Variants in TNPO2 observed in about 807,000 individuals in gnomAD.
TNPO2 encodes the protein transportin 2.
TNPO2 carries 16 observed loss-of-function variants against 111.1 expected under a neutral mutation model. That is an observed-to-expected ratio of 0.14 (90% CI 0.10 to 0.22). The LOEUF is 0.22. TNPO2 is among the 10% of genes least tolerant of loss of function. The pLI, the probability that TNPO2 is intolerant of heterozygous loss-of-function variation, is 1.00. For synonymous variants in TNPO2, 481 were observed against 475.8 expected, an observed-to-expected ratio of 1.01 and a Z score of -0.14; for missense variants, 530 against 1,173.7, an observed-to-expected ratio of 0.45 and a Z score of 8.01.
At chr19:12,713,500 TAAATA>T (rs1289354482) in intron 10 of TNPO2, among the ~76,000 whole-genome samples, 1 of 145,074 alleles carries the variant, frequency 6.9e-6, no homozygotes, top group Non-Finnish European at 1.5e-5. Flanking sequence ...AATAAATAAA[TAAATA>T]AATAAATAAA....
Position 12,705,640 on chromosome 19 carries a change from T to TGGGCAGGATGGGTTTCGGGTGAG in TNPO2, c.1755+19_1755+41dup, listed in dbSNP as rs772648771. ...GCAGGTGGGGAGAACTCAGGCAGGG[T>TGGGCAGGATGGGTTTCGGGTGAG]GGGCAGGATGGGTTTCGGGTGAGGG... On this transcript the variant is annotated intron_variant, in intron 16 of 25. Transcript: ENST00000425528. This position sits in a 1 kb window ranked among gnomAD's most constrained non-coding sequence, Gnocchi z 7.2. 11 of 1,568,664 alleles carry TGGGCAGGATGGGTTTCGGGTGAG rather than the reference T, an allele frequency of 7.0e-6. No individual in the cohort carries two copies. The highest frequency in any genetic ancestry group is 3.5e-5 in the South Asian group (3 of 85,772).
In TNPO2 at chr19:12,719,509, T is replaced by C. The variant is rs532861329; in HGVS notation, c.100-173A>G. On this transcript the variant is annotated intron_variant, in intron 3 of 25. Transcript: ENST00000425528. The surrounding 1 kb of genome is among the most constrained non-coding windows in gnomAD (Gnocchi z 5.0). Reference sequence around the variant, plus strand: ...GCACCTCAGACACGTCAAATTCATATAAGGGGCCGGGCGCGGTGGCTCACG... The same window carrying C: ...GCACCTCAGACACGTCAAATTCATACAAGGGGCCGGGCGCGGTGGCTCACG... Among the ~76,000 whole-genome samples the C allele has an allele frequency of 6.6e-5, 10 of 152,148 alleles. No individual in the cohort carries two copies. The highest frequency in any genetic ancestry group is 1.9e-4 in the African/African-American group (8 of 41,508).
rs1179826064 is a variant in TNPO2, at chr19:12,701,118, G to A, written c.*146C>T. On this transcript the variant is annotated 3_prime_UTR_variant, in exon 26 of 26. Coordinates refer to ENST00000425528, the MANE Select transcript of TNPO2 (RefSeq NM_001382241.1). This position sits in a 1 kb window ranked among gnomAD's most constrained non-coding sequence, Gnocchi z 5.0. ...TGGACGGATGGACGGACGGACGGAC[G>A]GACGGGGAAGGCATCTGGATTTGAG... 7 of 480,284 alleles carry A rather than the reference G, an allele frequency of 1.5e-5. No individual in the cohort carries two copies. Among genetic ancestry groups the A allele is most frequent in the Non-Finnish European group, 2.6e-5 (7 of 269,994 alleles). The allele number at this position is 480,284 out of a possible 1,614,324, so 29.8% of individuals were successfully genotyped here. A position where few individuals can be genotyped will look rare whatever the true frequency, so the allele number is the denominator to read the frequency against.
Position 12,706,149 on chromosome 19 carries a change from C to A in TNPO2, c.1668+47G>T. 1 of 1,590,426 alleles carries A rather than the reference C, an allele frequency of 6.3e-7. No homozygotes were observed. Among genetic ancestry groups the A allele is most frequent in the South Asian group, 1.1e-5 (1 of 87,944 alleles). Reference sequence around the variant, plus strand: ...GGGGTTGCCACCAGGTCACTGGATGCCCAGGGGCACGGGGATCGGGAGGCG... The same window carrying A: ...GGGGTTGCCACCAGGTCACTGGATGACCAGGGGCACGGGGATCGGGAGGCG... On this transcript the variant is annotated intron_variant, in intron 15 of 25. Coordinates refer to ENST00000425528, the MANE Select transcript of TNPO2 (RefSeq NM_001382241.1). This position sits in a 1 kb window ranked among gnomAD's most constrained non-coding sequence, Gnocchi z 7.0.
intron 13 of TNPO2, among the ~76,000 whole-genome samples, chr19:12,708,450 AT>A (rs2025836339): frequency 6.6e-6 from 1 of 150,720 alleles, no homozygotes; most frequent in South Asian, 2.1e-4. Context: ...TTTTTTTAAA[AT>A]ATCACGAACT....
At position 12,701,952 on chromosome 19, in the gene TNPO2, C is replaced by A. The variant is rs1439081776; in HGVS notation, c.2412-101G>T. ...CAGTGAGTGGGCCTGGGACATGCAT[C>A]TGTGGGGGTGGGGCAGGGCAGGGAG... On this transcript the variant is annotated intron_variant, in intron 22 of 25. Coordinates refer to ENST00000425528, the MANE Select transcript of TNPO2 (RefSeq NM_001382241.1). This position sits in a 1 kb window ranked among gnomAD's most constrained non-coding sequence, Gnocchi z 5.0. The A allele has an allele frequency of 5.8e-6, 8 of 1,390,140 alleles. No homozygotes were observed. The highest frequency in any genetic ancestry group is 8.2e-6 in the Non-Finnish European group (8 of 979,102). 86.1% of individuals were successfully genotyped at this position (1,390,140 alleles called of 1,614,324 possible).
In TNPO2 at chr19:12,719,425, G is replaced by A; in HGVS notation, c.100-89C>T. ...TACCTGACACTATCTCTGACCACTGGGACCAGGCTGCCAGCTCCTGGGGGA... is the reference window on the plus strand; with the variant it reads ...TACCTGACACTATCTCTGACCACTGAGACCAGGCTGCCAGCTCCTGGGGGA... On this transcript the variant is annotated intron_variant, in intron 3 of 25. Transcript: ENST00000425528. This position sits in a 1 kb window ranked among gnomAD's most constrained non-coding sequence, Gnocchi z 5.0. 8.7e-7 allele frequency: 1 copy of A among 1,147,700 alleles called. No homozygotes were observed. The highest frequency in any genetic ancestry group is 1.3e-6 in the Non-Finnish European group (1 of 774,272). The allele number at this position is 1,147,700 out of a possible 1,614,324, so 71.1% of individuals were successfully genotyped here.
intron 12 of TNPO2, 185 bp downstream of exon 12, chr19:12,711,111 G>A (rs1224655824): frequency 1.4e-6 from 1 of 715,760 alleles, no homozygotes; most frequent in African/African-American, 1.8e-5. Context: ...AGCCAGGATG[G>A]TGTTGATCTC....
chr19:12,707,570 GC>G (rs1274638924), intron 13 of TNPO2, among the ~76,000 whole-genome samples: 2 of 128,252 alleles, frequency 1.6e-5, no homozygotes, highest in Non-Finnish European at 3.2e-5. Flanking sequence ...GCTCACTGCA[GC>G]CTCTGCCTCC....
At chr19:12,717,246 A>T (rs1241260381) in intron 5 of TNPO2, among the ~76,000 whole-genome samples, 1 of 148,930 alleles carries the variant, frequency 6.7e-6, no homozygotes, top group East Asian at 2.0e-4. Context: ...AACTAAGGTT[A>T]TCAGTAGGTT....
Position 12,702,132 on chromosome 19 carries a change from C to A in TNPO2, c.2351G>T (p.Arg784Leu). The A allele has an allele frequency of 6.2e-7, 1 of 1,613,502 alleles. No individual in the cohort carries two copies. Among genetic ancestry groups the A allele is most frequent in the Non-Finnish European group, 8.5e-7 (1 of 1,179,800 alleles). Residue 784 changes from arginine to leucine, a missense_variant, in exon 22 of 26, where the codon CGC (arginine) becomes CTC (leucine). Physicochemically the swap from Arg to Leu is moderately radical, Grantham distance 102. Around this residue, in one of 4 missense-constraint regions of TNPO2, gnomAD observed 103 missense variants for 156.7 expected, o/e 0.66. Coordinates refer to ENST00000425528, the MANE Select transcript of TNPO2 (RefSeq NM_001382241.1). The surrounding 1 kb of genome is among the most constrained non-coding windows in gnomAD (Gnocchi z 5.5). ...PSAIPAITIG[R>L]LGYVCPQEVA... ...CTCCTGGGGGCACACGTAGCCCAAGCGGCCGATGGTGATGGCTGGAATGGC... is the reference window on the plus strand; with the variant it reads ...CTCCTGGGGGCACACGTAGCCCAAGAGGCCGATGGTGATGGCTGGAATGGC...
chr19:12,702,017 G>A lies in TNPO2; in HGVS notation c.2411+55C>T, dbSNP rs935257731. ...GGGCTGGAAATGCACAGGCGAGGGA[G>A]GGGGTTGGGCCAGTCCCGCCCACCA... On this transcript the variant is annotated intron_variant, in intron 22 of 25. Coordinates refer to ENST00000425528, the MANE Select transcript of TNPO2 (RefSeq NM_001382241.1). This position sits in a 1 kb window ranked among gnomAD's most constrained non-coding sequence, Gnocchi z 5.5. 2 of 1,551,126 alleles carry A rather than the reference G, an allele frequency of 1.3e-6. No homozygotes were observed. The highest frequency in any genetic ancestry group is 8.9e-7 in the Non-Finnish European group (1 of 1,123,662).
At chr19:12,711,168 A>C (rs531520206) in intron 12 of TNPO2, 128 bp downstream of exon 12, 1 of 1,248,328 alleles carries the variant, frequency 8.0e-7, no homozygotes, top group East Asian at 2.3e-5. Flanking sequence ...TGCTGGGATT[A>C]CAGGCGTAAG....
chr19:12,707,834 T>A (rs973308506), intron 13 of TNPO2, among the ~76,000 whole-genome samples: 1 of 151,842 alleles, frequency 6.6e-6, no homozygotes, highest in Non-Finnish European at 1.5e-5. Flanking sequence ...TATTATTATT[T>A]TTTTGAGACG....
Position 12,706,848 on chromosome 19 carries a change from C to A in TNPO2, c.1271-53G>T. 1 of 1,447,158 alleles carries A rather than the reference C, an allele frequency of 6.9e-7. No individual in the cohort carries two copies. The allele number at this position is 1,447,158 out of a possible 1,614,324, so 89.6% of individuals were successfully genotyped here. On this transcript the variant is annotated intron_variant, in intron 13 of 25. Transcript: ENST00000425528. This position sits in a 1 kb window ranked among gnomAD's most constrained non-coding sequence, Gnocchi z 7.0. ...CAGTTTGATTGGGCCCAGCCACACCCACCGTATGGAGAGAAGAGTCAGCCG... is the reference window on the plus strand; with the variant it reads ...CAGTTTGATTGGGCCCAGCCACACCAACCGTATGGAGAGAAGAGTCAGCCG...
intron 19 of TNPO2, 61 bp downstream of exon 19, chr19:12,703,653 G>T: frequency 2.5e-6 from 4 of 1,583,832 alleles, no homozygotes; most frequent in Non-Finnish European, 3.5e-6. Context: ...CCCGGGTATT[G>T]CTCTCCATCA....
chr19:12,713,868 A>C (rs932221019), intron 10 of TNPO2, among the ~76,000 whole-genome samples: 5 of 152,038 alleles, frequency 3.3e-5, no homozygotes, highest in African/African-American at 1.2e-4. Flanking sequence ...TCTCTACTAA[A>C]ACTTAGAAAA....
At position 12,705,329 on chromosome 19, in the gene TNPO2, G is replaced by T; in HGVS notation, c.1933C>A (p.Leu645Ile). The change falls in exon 18 of 26, where the codon CTC (leucine) becomes ATC (isoleucine). Residue 645 changes from leucine to isoleucine, a missense_variant. This residue lies in a region of TNPO2 where 183 missense variants were observed against 481.0 expected (regional missense o/e 0.38). Transcript: ENST00000425528. This position sits in a 1 kb window ranked among gnomAD's most constrained non-coding sequence, Gnocchi z 7.2. ...CCCAGGCCCTCGGCCAGGCCGCTGA[G>T]CAGATCCAGTGCTACGATCATGAAG... ...KDFMIVALDLLSGLAEGLGGH... is the reference protein window; with the variant it reads ...KDFMIVALDLISGLAEGLGGH... 1 of 1,593,386 alleles carries T rather than the reference G, an allele frequency of 6.3e-7. No homozygotes were observed. Among genetic ancestry groups the T allele is most frequent in the Non-Finnish European group, 8.5e-7 (1 of 1,170,126 alleles).
intron 13 of TNPO2, among the ~76,000 whole-genome samples, chr19:12,708,728 A>G (rs28548350): frequency 0.14 from 20,640 of 151,876 alleles, 4,207 homozygotes; most frequent in African/African-American, 0.44. Context: ...AAAATCAGCC[A>G]GGTGCGGTGG....
Sources: gnomAD v4.1 joint callset for allele counts (sites outside exome capture counted in the v4.1 genomes callset) on GRCh38, gnomAD v4.1.1 for gene constraint, gnomAD v4.1.1 regional missense constraint, Gnocchi (gnomAD v3.1) non-coding constraint, MANE v1.5 for transcripts, NCBI Gene and HGNC (gene_info 2026-07-23, HGNC 2026-07-21) for gene names.